SLC2A14: variants seen among roughly 807,000 people sequenced by gnomAD.
SLC2A14 encodes solute carrier family 2 member 14.
In SLC2A14, 13 loss-of-function variants were observed where a neutral mutation model predicts 43.0. The ratio of observed to expected loss-of-function variants is 0.30; its 90% CI spans 0.20 to 0.48. The LOEUF is 0.48. Ranked by LOEUF, SLC2A14 falls within the 20% of genes least tolerant of loss-of-function variation. The pLI, the probability that SLC2A14 is intolerant of heterozygous loss-of-function variation, is 0.99. For synonymous variants in SLC2A14, 190 were observed against 233.8 expected, an observed-to-expected ratio of 0.81 and a Z score of 1.71; for missense variants, 428 against 620.4, an observed-to-expected ratio of 0.69 and a Z score of 3.29.
At chr12:7,831,799 A>C (rs780696643) in intron 3 of SLC2A14, 35 bp from the exon 4 acceptor site, 1 of 1,610,852 alleles carries the variant, frequency 6.2e-7, no homozygotes, top group Non-Finnish European at 8.5e-7. Flanking sequence ...AGACTATTAC[A>C]GTTGGATGAG....
intron 2 of SLC2A14, among the ~76,000 whole-genome samples, chr12:7,864,947 C>G (rs907525411): frequency 5.3e-5 from 8 of 152,112 alleles, no homozygotes; most frequent in African/African-American, 1.4e-4. Context: ...CGTAAAGAGG[C>G]CTTCCCTGAC....
chr12:7,881,568 C>G (rs1945573922), intron 1 of SLC2A14, among the ~76,000 whole-genome samples: 2 of 152,130 alleles, frequency 1.3e-5, no homozygotes, highest in African/African-American at 4.8e-5. Context: ...CCTCCCCGCT[C>G]CACCTCCGTG....
At chr12:7,865,333 C>G (rs1012557088) in intron 2 of SLC2A14, among the ~76,000 whole-genome samples, 2 of 151,950 alleles carry the variant, frequency 1.3e-5, no homozygotes, top group African/African-American at 2.4e-5. Context: ...GTCAGGAGAT[C>G]GAGACCATCC....
At chr12:7,870,411 C>T (rs771486518) in intron 1 of SLC2A14, among the ~76,000 whole-genome samples, 30 of 152,290 alleles carry the variant, frequency 2.0e-4, no homozygotes, top group Admixed American at 1.5e-3. Flanking sequence ...CAGTGAGCCA[C>T]AGTGAAGTTG....
At chr12:7,853,176 C>T (rs1435051669) in intron 2 of SLC2A14, among the ~76,000 whole-genome samples, 2 of 152,016 alleles carry the variant, frequency 1.3e-5, no homozygotes, top group Admixed American at 1.3e-4. Context: ...CATGGTGGCT[C>T]ATGCCTGTAA....
At chr12:7,830,067 C>T (rs1056203004) in intron 4 of SLC2A14, 61 bp from the exon 5 acceptor site, 205 of 1,599,008 alleles carry the variant, frequency 1.3e-4, no homozygotes, top group Non-Finnish European at 1.7e-4. Flanking sequence ...AACTTCTCCT[C>T]TTCTGTACTC....
At chr12:7,879,806 A>T (rs1345332947) in intron 1 of SLC2A14, among the ~76,000 whole-genome samples, 1 of 152,002 alleles carries the variant, frequency 6.6e-6, no homozygotes, top group Non-Finnish European at 1.5e-5. Context: ...AGAGTTCAAG[A>T]CCAGCCTGGC....
At chr12:7,828,330 A>C (rs1432511728) in intron 6 of SLC2A14, among the ~76,000 whole-genome samples, 1 of 151,482 alleles carries the variant, frequency 6.6e-6, no homozygotes, top group Non-Finnish European at 1.5e-5. Context: ...GCGCCACTGC[A>C]CTACAGCCTG....
intron 1 of SLC2A14, among the ~76,000 whole-genome samples, chr12:7,879,421 C>A (rs991247235): frequency 6.6e-6 from 1 of 151,870 alleles, no homozygotes; most frequent in Admixed American, 6.6e-5. Context: ...ATGGCTTATG[C>A]CTGTAATCTC....
At chr12:7,867,294 AAAAAAAC>A (rs1944974266) in intron 2 of SLC2A14, among the ~76,000 whole-genome samples, 1 of 126,418 alleles carries the variant, frequency 7.9e-6, no homozygotes, top group African/African-American at 2.9e-5. Context: ...AAAAAAAAAA[AAAAAAAC>A]AAAAAAAACA....
chr12:7,826,861 T>TCTTTCTTTCTTTC (rs1555121667), intron 7 of SLC2A14, among the ~76,000 whole-genome samples: 1 of 60,268 alleles, frequency 1.7e-5, no homozygotes, highest in African/African-American at 7.9e-5. Context: ...TTCCTTTCTT[T>TCTTTCTTTCTTTC]TTTCTTTCTT....
chr12:7,872,751 A>C lies in SLC2A14; in HGVS notation c.-58+56T>G. On this transcript the variant is annotated intron_variant, in intron 1 of 10. Coordinates refer to ENST00000431042, the MANE Select transcript of SLC2A14 (RefSeq NM_001286234.2). Reference sequence around the variant, plus strand: ...ACTCTAGCTCGGCCACCTCTACCCCAGCTCAGGTCCTCATTCCCGCACCCC... The same window carrying C: ...ACTCTAGCTCGGCCACCTCTACCCCCGCTCAGGTCCTCATTCCCGCACCCC... The C allele has an allele frequency of 2.0e-6, 2 of 984,212 alleles. 1 individual carries two copies. Among genetic ancestry groups the C allele is most frequent in the Non-Finnish European group, 2.4e-6 (2 of 829,108 alleles). The allele number at this position is 984,212 out of a possible 1,614,324, so 61.0% of individuals were successfully genotyped here.
intron 1 of SLC2A14, among the ~76,000 whole-genome samples, chr12:7,884,647 A>G (rs1410363417): frequency 6.6e-6 from 1 of 152,088 alleles, no homozygotes; most frequent in African/African-American, 2.4e-5. Flanking sequence ...CAACATCATC[A>G]TCACTTCACC....
chr12:7,847,259 G>T (rs1014958349), intron 2 of SLC2A14, among the ~76,000 whole-genome samples: 2 of 151,904 alleles, frequency 1.3e-5, no homozygotes, highest in African/African-American at 4.8e-5. Context: ...TCTCAAAAAA[G>T]AAAAGAAAAG....
rs11055938 is a variant in SLC2A14 at position 7,814,004 on chromosome 12, C to T, written c.*312G>A. The T allele has an allele frequency of 0.22, 77,736 of 349,146 alleles. 10,097 individuals carry two copies. Among genetic ancestry groups the T allele is most frequent in the Admixed American group, 0.32 (8,076 of 25,450 alleles). The allele number at this position is 349,146 out of a possible 1,614,324, so 21.6% of individuals were successfully genotyped here. Reference sequence around the variant, plus strand: ...TTTTCCTCTCCTATATCCTCTAGTGCGGCAATATCAGAACCCAAGGGAGGA... The same window carrying T: ...TTTTCCTCTCCTATATCCTCTAGTGTGGCAATATCAGAACCCAAGGGAGGA... On this transcript the variant is annotated 3_prime_UTR_variant, in exon 11 of 11. Transcript: ENST00000431042.
At chr12:7,854,795 G>A (rs1867219255) in intron 2 of SLC2A14, among the ~76,000 whole-genome samples, 1 of 151,492 alleles carries the variant, frequency 6.6e-6, no homozygotes, top group African/African-American at 2.4e-5. Flanking sequence ...GGGATTACAG[G>A]CATCTCACTT....
chr12:7,850,210 G>A (rs1205933869), intron 2 of SLC2A14, among the ~76,000 whole-genome samples: 1 of 152,064 alleles, frequency 6.6e-6, no homozygotes, highest in Non-Finnish European at 1.5e-5. Context: ...ATGTCTGGTG[G>A]TGGGCAGTTT....
At chr12:7,853,215 T>G (rs902827879) in intron 2 of SLC2A14, among the ~76,000 whole-genome samples, 1 of 151,534 alleles carries the variant, frequency 6.6e-6, no homozygotes, top group African/African-American at 2.4e-5. Flanking sequence ...CTGAGGTGGA[T>G]GGATCATGAG....
At chr12:7,845,999 A>C (rs1290335978) in intron 2 of SLC2A14, among the ~76,000 whole-genome samples, 20 of 151,956 alleles carry the variant, frequency 1.3e-4, no homozygotes. Flanking sequence ...AAGCTAAGGC[A>C]GAAGAATAGC....
Sources: gnomAD v4.1 joint callset for allele counts (sites outside exome capture counted in the v4.1 genomes callset) on GRCh38, gnomAD v4.1.1 for gene constraint, MANE v1.5 for transcripts, NCBI Gene and HGNC (gene_info 2026-07-23, HGNC 2026-07-21) for gene names.